CCN6: variants seen among roughly 807,000 people sequenced by gnomAD.
The protein encoded by CCN6 is cellular communication network factor 6.
In CCN6, 31 loss-of-function variants were observed where a neutral mutation model predicts 37.4. The ratio of observed to expected loss-of-function variants is 0.83; its 90% CI spans 0.62 to 1.12. CCN6 has a LOEUF of 1.12. Ranked by LOEUF, CCN6 falls within the 50% of genes most tolerant of loss-of-function variation. The probability of loss-of-function intolerance (pLI) is 0.00; values close to 1 mark genes in which losing one functional copy is unlikely to be tolerated. For synonymous variants in CCN6, 137 were observed against 142.1 expected, an observed-to-expected ratio of 0.96 and a Z score of 0.26; for missense variants, 369 against 413.8, an observed-to-expected ratio of 0.89 and a Z score of 0.94.
At chr6:112,057,186 G>A (rs1233225545) in intron 1 of CCN6, among the ~76,000 whole-genome samples, 1 of 152,216 alleles carries the variant, frequency 6.6e-6, no homozygotes, top group African/African-American at 2.4e-5. Flanking sequence ...GCAAGTCATG[G>A]AAGGAGAGTG....
chr6:112,065,179 T>C (rs1252178292), intron 3 of CCN6, among the ~76,000 whole-genome samples, 182 bp downstream of exon 3: 1 of 152,214 alleles, frequency 6.6e-6, no homozygotes, highest in East Asian at 1.9e-4. Context: ...AAAGGAAATT[T>C]TATAATGTTT....
Position 112,054,638 on chromosome 6 carries a change from C to T in CCN6, c.48+233C>T, listed in dbSNP as rs1583569520. The T allele has an allele frequency of 5.7e-6, 3 of 530,304 alleles. No individual in the cohort carries two copies. In the East Asian group the frequency reaches 1.0e-4, roughly 19 times the overall value. 32.8% of individuals were successfully genotyped at this position (530,304 alleles called of 1,614,324 possible). On this transcript the variant is annotated intron_variant, in intron 1 of 4. Transcript: ENST00000368666. The stretch of plus-strand genomic sequence containing the variant: ...TCCCTTTCAGGTAATGGCACCGAAG[C>T]CTCCTTTCGCTATGTTTGAACAGCG...
intron 1 of CCN6, among the ~76,000 whole-genome samples, chr6:112,060,501 G>A (rs1776480885): frequency 6.6e-6 from 1 of 152,210 alleles, no homozygotes; most frequent in Non-Finnish European, 1.5e-5. Flanking sequence ...GCTTAAATAG[G>A]GAAGTGTGTG....
intron 1 of CCN6, among the ~76,000 whole-genome samples, chr6:112,055,617 C>A (rs1466853193): frequency 6.9e-5 from 10 of 145,426 alleles, no homozygotes; most frequent in African/African-American, 2.8e-4. Context: ...AGAGACAGAG[C>A]CTTGCTCTGT....
intron 3 of CCN6, among the ~76,000 whole-genome samples, chr6:112,065,622 G>GCGCGCGCACA (rs782269731): frequency 2.9e-5 from 4 of 137,240 alleles, no homozygotes; most frequent in African/African-American, 1.1e-4. Flanking sequence ...ACACACACAC[G>GCGCGCGCACA]CACGCACACA....
rs373824277 is a variant in CCN6 at position 112,055,546 on chromosome 6, A to ATAGC, written c.48+1143_48+1146dup. ...GCTGATAATACCTAGCATTTACTGA[A>ATAGC]TAGCTGCTATATGCCAAATACTGTG... On this transcript the variant is annotated intron_variant, in intron 1 of 4. Transcript: ENST00000368666. Among the ~76,000 whole-genome samples, 41 of 152,290 alleles carry ATAGC rather than the reference A, an allele frequency of 2.7e-4. No homozygotes were observed. In the East Asian group the frequency reaches 7.9e-3, roughly 29 times the overall value.
At chr6:112,065,370 AC>A (rs1776648572) in intron 3 of CCN6, among the ~76,000 whole-genome samples, 1 of 152,148 alleles carries the variant, frequency 6.6e-6, no homozygotes, top group African/African-American at 2.4e-5. Context: ...AAGAAGTTTG[AC>A]CATTCACTTC....
chr6:112,055,231 C>T (rs1043914784), intron 1 of CCN6, among the ~76,000 whole-genome samples: 2 of 152,168 alleles, frequency 1.3e-5, no homozygotes, highest in Non-Finnish European at 2.9e-5. Context: ...GAGAGATTTA[C>T]GATTTCAAAA....
rs191152855 is a variant in CCN6 at position 112,066,790 on chromosome 6, T to G, written c.590-1415T>G. On this transcript the variant is annotated intron_variant, in intron 3 of 4. Transcript: ENST00000368666. Reference sequence around the variant, plus strand: ...AGCACGCAATGACATAATGCCCTCATGCTTTTTTCAATGCCCTCATGCTTT... The same window carrying G: ...AGCACGCAATGACATAATGCCCTCAGGCTTTTTTCAATGCCCTCATGCTTT... Among the ~76,000 whole-genome samples, 67 of 150,024 alleles carry G rather than the reference T, an allele frequency of 4.5e-4. No homozygotes were observed. The East Asian group carries it at 0.01, about 23-fold the overall frequency.
intron 1 of CCN6, among the ~76,000 whole-genome samples, chr6:112,055,082 C>T (rs59921955): frequency 0.023 from 3,558 of 152,264 alleles, 151 homozygotes; most frequent in African/African-American, 0.082. Context: ...TTTATTTACA[C>T]GGTAGACAGG....
chr6:112,056,594 C>A (rs1776355091), intron 1 of CCN6, among the ~76,000 whole-genome samples: 1 of 152,160 alleles, frequency 6.6e-6, no homozygotes, highest in Admixed American at 6.5e-5. Context: ...TGGCTCACTG[C>A]AACCTCTGCC....
chr6:112,062,688 T>C (rs1161945168), intron 2 of CCN6, among the ~76,000 whole-genome samples: 3 of 152,198 alleles, frequency 2.0e-5, no homozygotes, highest in African/African-American at 7.2e-5. Flanking sequence ...CATGGCACAT[T>C]AATGTAGAGT....
At chr6:112,053,868 G>T (rs1246395365), upstream of CCN6, among the ~76,000 whole-genome samples, 25 of 150,900 alleles carry the variant, frequency 1.7e-4, no homozygotes, top group Non-Finnish European at 3.0e-4. Flanking sequence ...CTGTTGGTGG[G>T]GGGGCCAGGC....
intron 1 of CCN6, among the ~76,000 whole-genome samples, chr6:112,059,482 C>T (rs587602694): frequency 3.3e-4 from 51 of 152,298 alleles, no homozygotes; most frequent in Non-Finnish European, 6.5e-4. Context: ...GGCATCGCTC[C>T]TACCTCTGCT....
chr6:112,055,282 T>C (rs1176711106), intron 1 of CCN6, among the ~76,000 whole-genome samples: 6 of 152,210 alleles, frequency 3.9e-5, no homozygotes, highest in Admixed American at 3.9e-4. Context: ...TCATTGCTGC[T>C]GTTCTGTGGA....
intron 2 of CCN6, among the ~76,000 whole-genome samples, chr6:112,064,385 A>T (rs1483420546): frequency 6.6e-6 from 1 of 152,192 alleles, no homozygotes; most frequent in Non-Finnish European, 1.5e-5. Context: ...TCAGACATTC[A>T]CTTATCCTGT....
At chr6:112,066,266 AT>A (rs782100730) in intron 3 of CCN6, among the ~76,000 whole-genome samples, 367 of 147,352 alleles carry the variant, frequency 2.5e-3, no homozygotes, top group Non-Finnish European at 3.7e-3. Flanking sequence ...CCATGTCCTT[AT>A]TTTTTTTTTT....
chr6:112,061,938 C>T (rs1583578422), intron 2 of CCN6, among the ~76,000 whole-genome samples: 1 of 152,172 alleles, frequency 6.6e-6, no homozygotes, highest in East Asian at 1.9e-4. Flanking sequence ...CTCATGTCAC[C>T]TGGGCAGTTT....
rs782228065 is a variant in CCN6 at position 112,068,380 on chromosome 6, T to A, written c.765T>A (p.Asn255Lys). 6.2e-7 allele frequency: 1 copy of A among 1,612,144 alleles called. No individual in the cohort carries two copies. ...RLCYIQPCDS[N>K]ILKTIKIPKG... ...GTTACATTCAGCCTTGCGACAGCAATATATTAAAGACAATAAAGGTAAAGT... is the reference window on the plus strand; with the variant it reads ...GTTACATTCAGCCTTGCGACAGCAAAATATTAAAGACAATAAAGGTAAAGT... Residue 255 changes from asparagine (N) to lysine (K), a missense_variant, in exon 4 of 5, where the codon AAT (asparagine) becomes AAA (lysine). Coordinates refer to ENST00000368666, the MANE Select transcript of CCN6 (RefSeq NM_198239.2).
Sources: allele counts gnomAD v4.1 joint callset (sites outside exome capture counted in the v4.1 genomes callset), GRCh38; gene constraint gnomAD v4.1.1; transcripts MANE v1.5; gene names NCBI Gene and HGNC (gene_info 2026-07-23, HGNC 2026-07-21).